Variants in TRERF1 observed in about 807,000 individuals in gnomAD.
TRERF1 encodes transcriptional-regulating factor 1.
Under a neutral mutation model 122.9 loss-of-function variants are expected in TRERF1, and 27 were observed. The ratio of observed to expected loss-of-function variants is 0.22; its 90% confidence interval spans 0.16 to 0.30. The LOEUF (loss-of-function observed/expected upper bound fraction) is 0.30, where lower values mean the gene tolerates loss of function less well. Among genes scored for constraint, TRERF1 ranks in the 10% least tolerant of loss-of-function variants. The pLI is 1.00. For missense variants in TRERF1, 1,248 were observed against 1,560.3 expected (o/e 0.80, Z 3.37); for synonymous variants, 636 against 641.7 (o/e 0.99, Z 0.13).
chr6:42,432,490 G>A (rs1228141714), intron 2 of TRERF1, among the ~76,000 whole-genome samples: 1 of 152,138 alleles, frequency 6.6e-6, no homozygotes, highest in Non-Finnish European at 1.5e-5. Flanking sequence ...TCTGACAATT[G>A]AAGAAAATGT....
In TRERF1 at chr6:42,355,579, C is replaced by G. The variant is rs540178964; in HGVS notation, c.-371+7418G>C. The stretch of plus-strand genomic sequence containing the variant: ...GATCTGGAAGTTTTCCATCTTTTTT[C>G]TCAATCCCGCAACAGTTTATATAAC... On this transcript the variant is annotated intron_variant, in intron 3 of 17. Coordinates refer to ENST00000372922, the Ensembl canonical transcript of TRERF1. Among the ~76,000 whole-genome samples, 299 of 152,324 alleles carry G rather than the reference C, an allele frequency of 2.0e-3. 1 individual carries two copies. Among genetic ancestry groups the G allele is most frequent in the Non-Finnish European group, 3.6e-3 (242 of 68,014 alleles).
At position 42,348,597 on chromosome 6, in the gene TRERF1, T is replaced by C. The variant is rs73430806; in HGVS notation, c.-371+14400A>G. Reference sequence around the variant, plus strand: ...GGTCTACCCTCAAGCTAAACAAATTTCATCCTTCTGTTAGAAGAACACTCC... The same window carrying C: ...GGTCTACCCTCAAGCTAAACAAATTCCATCCTTCTGTTAGAAGAACACTCC... On this transcript the variant is annotated intron_variant, in intron 3 of 17. Transcript: ENST00000372922. Among the ~76,000 whole-genome samples the C allele has an allele frequency of 6.0e-3, 907 of 152,234 alleles. 8 individuals are homozygous for C. Among genetic ancestry groups the C allele is most frequent in the African/African-American group, 0.02 (851 of 41,520 alleles).
intron 2 of TRERF1, among the ~76,000 whole-genome samples, chr6:42,399,849 T>A (rs1419733057): frequency 6.6e-6 from 1 of 152,134 alleles, no homozygotes; most frequent in Non-Finnish European, 1.5e-5. Flanking sequence ...CTCATTCCCA[T>A]CCATCCCCCA....
At chr6:42,403,566 T>C (rs1779728530) in intron 2 of TRERF1, among the ~76,000 whole-genome samples, 1 of 152,138 alleles carries the variant, frequency 6.6e-6, no homozygotes, top group Admixed American at 6.5e-5. Context: ...ACCTTGCCAA[T>C]ACCTTGATTT....
intron 2 of TRERF1, among the ~76,000 whole-genome samples, chr6:42,400,671 C>T (rs906929666): frequency 1.3e-5 from 2 of 152,108 alleles, no homozygotes; most frequent in Non-Finnish European, 2.9e-5. Context: ...CAATCACCTC[C>T]CCACAAAGCT....
At position 42,338,267 on chromosome 6, in the gene TRERF1, G is replaced by T. The variant is rs557299239; in HGVS notation, c.-371+24730C>A. 6.6e-5 allele frequency among the ~76,000 whole-genome samples: 10 copies of T among 152,256 alleles called. No homozygotes were observed. In the East Asian group the frequency reaches 1.6e-3, roughly 24 times the overall value. On this transcript the variant is annotated intron_variant, in intron 3 of 17. Coordinates refer to ENST00000372922, the Ensembl canonical transcript of TRERF1. ...GTCACCATATGGCTCAGGCACAGGA[G>T]AGAGGGAAGGAAGAAACTTGGGGGT... is the stretch of plus-strand genomic sequence containing the variant.
rs143601438 is a variant in TRERF1 at position 42,311,006 on chromosome 6, G to A, written c.-370-10257C>T. ...CAATCTGCTGTTGGTTAGGTGTAGAGATATATCACTCATTCAGTTGTGCAT... is the reference window on the plus strand; with the variant it reads ...CAATCTGCTGTTGGTTAGGTGTAGAAATATATCACTCATTCAGTTGTGCAT... On this transcript the variant is annotated intron_variant, in intron 3 of 17. Transcript: ENST00000372922. Among the ~76,000 whole-genome samples, 195 of 152,244 alleles carry A rather than the reference G, an allele frequency of 1.3e-3. 1 individual carries two copies. Among genetic ancestry groups the A allele is most frequent in the African/African-American group, 3.7e-3 (152 of 41,536 alleles).
intron 4 of TRERF1, among the ~76,000 whole-genome samples, chr6:42,299,204 ATCT>A (rs1390437287): frequency 7.6e-6 from 1 of 132,008 alleles, no homozygotes; most frequent in African/African-American, 2.7e-5. Context: ...GTTTTTTTCT[ATCT>A]ATCTATCTAT....
At chr6:42,434,300 C>A (rs1784917693) in intron 2 of TRERF1, among the ~76,000 whole-genome samples, 1 of 151,360 alleles carries the variant, frequency 6.6e-6, no homozygotes, top group Non-Finnish European at 1.5e-5. Context: ...AACACAGAGC[C>A]ATGATTTACA....
intron 2 of TRERF1, among the ~76,000 whole-genome samples, chr6:42,365,381 C>T (rs1772537294): frequency 6.6e-6 from 1 of 152,064 alleles, no homozygotes; most frequent in Non-Finnish European, 1.5e-5. Context: ...AGGAGAAGTT[C>T]CTAAAGCTGA....
intron 2 of TRERF1, among the ~76,000 whole-genome samples, chr6:42,398,038 T>C (rs760020546): frequency 2.2e-4 from 33 of 152,228 alleles, no homozygotes; most frequent in Non-Finnish European, 3.5e-4. Context: ...TATTTGGGAA[T>C]GACTGTTTAG....
intron 2 of TRERF1, among the ~76,000 whole-genome samples, chr6:42,391,550 G>T (rs1044251653): frequency 6.6e-6 from 1 of 152,112 alleles, no homozygotes; most frequent in African/African-American, 2.4e-5. Context: ...TGGCCTCAGG[G>T]AGTCCTCCTG....
chr6:42,272,104 A>G (rs1236237150), intron 4 of TRERF1, among the ~76,000 whole-genome samples: 4 of 152,254 alleles, frequency 2.6e-5, no homozygotes, highest in African/African-American at 9.6e-5. Context: ...TGGAAATGGT[A>G]TCTTCAGCAA....
chr6:42,319,150 AT>A (rs34337603), intron 3 of TRERF1, among the ~76,000 whole-genome samples: 65,577 of 151,916 alleles, frequency 0.43, 15,919 homozygotes, highest in East Asian at 0.76. Flanking sequence ...CTTTTTAGAC[AT>A]TTTTTTTCCC....
At chr6:42,265,713 C>T (rs752621151) in intron 6 of TRERF1, 38 bp downstream of exon 6, 7 of 1,603,162 alleles carry the variant, frequency 4.4e-6, no homozygotes, top group African/African-American at 2.7e-5. Flanking sequence ...AAATCCTCCC[C>T]GTCTCCCAAA....
intron 2 of TRERF1, among the ~76,000 whole-genome samples, chr6:42,431,187 A>G (rs1256158495): frequency 6.6e-6 from 1 of 152,184 alleles, no homozygotes; most frequent in Non-Finnish European, 1.5e-5. Flanking sequence ...TTTTTAGACT[A>G]AAAATGGAAA....
intron 3 of TRERF1, among the ~76,000 whole-genome samples, chr6:42,314,017 A>G (rs1762096766): frequency 6.6e-6 from 1 of 151,746 alleles, no homozygotes; most frequent in Admixed American, 6.6e-5. Flanking sequence ...CCTGGGAAAC[A>G]GGGAACAGCT....
At chr6:42,340,441 G>A (rs1002949386) in intron 3 of TRERF1, among the ~76,000 whole-genome samples, 1 of 152,076 alleles carries the variant, frequency 6.6e-6, no homozygotes, top group Non-Finnish European at 1.5e-5. Flanking sequence ...CATGTTCAAC[G>A]TCTACTTATC....
At chr6:42,305,534 T>C (rs1219167904) in intron 3 of TRERF1, among the ~76,000 whole-genome samples, 1 of 151,632 alleles carries the variant, frequency 6.6e-6, no homozygotes, top group Non-Finnish European at 1.5e-5. Context: ...AAAGCCCAAA[T>C]CAAAGAGGGG....
Sources: allele counts gnomAD v4.1 joint callset (sites outside exome capture counted in the v4.1 genomes callset), GRCh38; gene constraint gnomAD v4.1.1; transcripts MANE v1.5; gene names NCBI Gene and HGNC (gene_info 2026-07-23, HGNC 2026-07-21).